The following KIF16B variants were observed in gnomAD, a reference collection of about 807,000 sequenced individuals.
The protein encoded by KIF16B is kinesin-like protein KIF16B.
In KIF16B, 98 loss-of-function variants were observed where a neutral mutation model predicts 156.3. The observed-to-expected ratio is 0.63, with a 90% CI of 0.53 to 0.74. The LOEUF is 0.74. Among genes scored for constraint, KIF16B ranks in the 30% least tolerant of loss-of-function variants. The probability of loss-of-function intolerance (pLI) is 0.00; values close to 1 mark genes in which losing one functional copy is unlikely to be tolerated. For missense variants in KIF16B, 1,421 were observed against 1,606.5 expected (o/e 0.88, Z 1.97); for synonymous variants, 564 against 583.7 (o/e 0.97, Z 0.49).
chr20:16,458,264 G>A (rs2067260593), intron 12 of KIF16B, among the ~76,000 whole-genome samples: 1 of 152,186 alleles, frequency 6.6e-6, no homozygotes, highest in Non-Finnish European at 1.5e-5. Context: ...AAATTAATAT[G>A]CTTGCTCTAT....
intron 12 of KIF16B, among the ~76,000 whole-genome samples, chr20:16,442,334 ATG>A (rs148957905): frequency 2.8e-5 from 4 of 145,170 alleles, no homozygotes; most frequent in Non-Finnish European, 4.5e-5. Context: ...CCATTTCACA[ATG>A]TGTGTGTGTG....
intron 9 of KIF16B, 120 bp from the exon 10 acceptor site, chr20:16,504,667 T>C: frequency 1.4e-6 from 1 of 714,902 alleles, no homozygotes; most frequent in Non-Finnish European, 2.4e-6. Context: ...TAAATATTCA[T>C]TGCCACAGTA....
At chr20:16,567,930 C>T (rs575858003) in intron 1 of KIF16B, among the ~76,000 whole-genome samples, 11 of 152,158 alleles carry the variant, frequency 7.2e-5, no homozygotes. Context: ...CCAGCCTGGG[C>T]AACAGAGCGA....
At chr20:16,440,533 G>GCGCGCACA (rs1490804040) in intron 12 of KIF16B, among the ~76,000 whole-genome samples, 14 of 138,250 alleles carry the variant, frequency 1.0e-4, no homozygotes, top group Admixed American at 4.4e-4. Flanking sequence ...ACAAGCGCGC[G>GCGCGCACA]CACACACACA....
intron 10 of KIF16B, among the ~76,000 whole-genome samples, chr20:16,501,148 T>A (rs1407631908): frequency 6.6e-6 from 1 of 151,760 alleles, no homozygotes; most frequent in African/African-American, 2.4e-5. Flanking sequence ...TATATATCCA[T>A]TAGGATGGTT....
At chr20:16,352,200 G>A (rs6080234) in intron 23 of KIF16B, among the ~76,000 whole-genome samples, 2,897 of 152,254 alleles carry the variant, frequency 0.019, 35 homozygotes, top group Non-Finnish European at 0.029. Context: ...TAGTTACACG[G>A]GTGTATACAT....
chr20:16,391,123 A>C (rs2065354048), intron 17 of KIF16B, among the ~76,000 whole-genome samples: 1 of 152,216 alleles, frequency 6.6e-6, no homozygotes, highest in Non-Finnish European at 1.5e-5. Context: ...GAAGAAAAAC[A>C]GAAGGAAGAC....
intron 11 of KIF16B, 144 bp from the exon 12 acceptor site, chr20:16,494,494 A>G: frequency 1.8e-6 from 1 of 568,438 alleles, no homozygotes; most frequent in Non-Finnish European, 3.1e-6. Flanking sequence ...AAGAACCATC[A>G]CCAAAGATAA....
chr20:16,548,865 C>T (rs963906907), intron 1 of KIF16B, among the ~76,000 whole-genome samples: 5 of 151,928 alleles, frequency 3.3e-5, no homozygotes, highest in East Asian at 1.9e-4. Context: ...TGTGGCACAA[C>T]GAGACGAAGA....
chr20:16,429,747 A>C, intron 13 of KIF16B, 116 bp downstream of exon 13: 2 of 836,226 alleles, frequency 2.4e-6, no homozygotes, highest in Non-Finnish European at 3.4e-6. Flanking sequence ...TTTGTTGTAT[A>C]TTCTTTAATT....
intron 3 of KIF16B, among the ~76,000 whole-genome samples, chr20:16,519,786 A>T (rs545798009): frequency 2.0e-5 from 3 of 152,326 alleles, no homozygotes; most frequent in Admixed American, 2.0e-4. Context: ...GCAGAAGGCA[A>T]GTGATTTCTG....
intron 12 of KIF16B, among the ~76,000 whole-genome samples, chr20:16,481,223 T>G (rs113553041): frequency 0.027 from 4,049 of 152,236 alleles, 189 homozygotes; most frequent in African/African-American, 0.094. Flanking sequence ...TCAAGACAGG[T>G]TCTCACTCTG....
intron 14 of KIF16B, among the ~76,000 whole-genome samples, chr20:16,427,852 C>A (rs575017599): frequency 1.3e-5 from 2 of 152,236 alleles, no homozygotes; most frequent in Admixed American, 1.3e-4. Context: ...TATAACTCTC[C>A]TAGATTCTTG....
At chr20:16,448,730 C>G (rs1160972658) in intron 12 of KIF16B, among the ~76,000 whole-genome samples, 1 of 152,198 alleles carries the variant, frequency 6.6e-6, no homozygotes, top group Non-Finnish European at 1.5e-5. Context: ...AACAACAGAG[C>G]TCTCCTAGCA....
chr20:16,344,671 C>CTA (rs1287593430), intron 23 of KIF16B, among the ~76,000 whole-genome samples: 2 of 152,010 alleles, frequency 1.3e-5, no homozygotes, highest in Non-Finnish European at 2.9e-5. Flanking sequence ...TGAAGACAGC[C>CTA]CCCTAGGAGG....
chr20:16,570,040 A>G (rs573983151), intron 1 of KIF16B, among the ~76,000 whole-genome samples: 6 of 152,182 alleles, frequency 3.9e-5, no homozygotes, highest in South Asian at 2.1e-4. Context: ...TCCACTGTGG[A>G]TATCTTGCTT....
At chr20:16,573,173 G>A (rs1168689050) in intron 1 of KIF16B, 56 bp downstream of exon 1, 2 of 1,488,826 alleles carry the variant, frequency 1.3e-6, no homozygotes, top group Non-Finnish European at 1.8e-6. Flanking sequence ...GCTGGAAACA[G>A]GCTTCCTCTG....
intron 12 of KIF16B, among the ~76,000 whole-genome samples, chr20:16,463,246 G>A (rs1037956044): frequency 4.6e-5 from 7 of 152,064 alleles, no homozygotes; most frequent in South Asian, 2.1e-4. Flanking sequence ...GTGTGTCCAC[G>A]TCCTTGATTT....
At chr20:16,476,901 G>A (rs1392902915) in intron 12 of KIF16B, among the ~76,000 whole-genome samples, 1 of 152,048 alleles carries the variant, frequency 6.6e-6, no homozygotes, top group African/African-American at 2.4e-5. Flanking sequence ...TGGGACTACA[G>A]GCGCGTGCCA....
Sources: allele counts gnomAD v4.1 joint callset (sites outside exome capture counted in the v4.1 genomes callset), GRCh38; gene constraint gnomAD v4.1.1; transcripts MANE v1.5; gene names NCBI Gene and HGNC (gene_info 2026-07-23, HGNC 2026-07-21).